The following MYO5C variants were observed in gnomAD, a reference collection of about 807,000 sequenced individuals.
The protein encoded by MYO5C is unconventional myosin-Vc.
In MYO5C, 194 loss-of-function variants were observed where a neutral mutation model predicts 235.7. The ratio of observed to expected loss-of-function variants is 0.82; its 90% CI spans 0.73 to 0.93. MYO5C has a LOEUF of 0.93. MYO5C is among the 40% of genes least tolerant of loss of function. The probability of loss-of-function intolerance (pLI) is 0.00; values close to 1 mark genes in which losing one functional copy is unlikely to be tolerated. For synonymous variants in MYO5C, 707 were observed against 754.8 expected, an observed-to-expected ratio of 0.94 and a Z score of 1.04; for missense variants, 2,038 against 2,127.2, an observed-to-expected ratio of 0.96 and a Z score of 0.82.
At chr15:52,221,816 A>G (rs777586124) in intron 29 of MYO5C, among the ~76,000 whole-genome samples, 1 of 152,208 alleles carries the variant, frequency 6.6e-6, no homozygotes, top group Non-Finnish European at 1.5e-5. Flanking sequence ...TGCTCATTTT[A>G]AAACTGAGTG....
rs544789862 is a variant in MYO5C at position 52,285,951 on chromosome 15, C to G, written c.28-3059G>C. Among the ~76,000 whole-genome samples, 16 of 152,134 alleles carry G rather than the reference C, an allele frequency of 1.1e-4. No homozygotes were observed. In the East Asian group the frequency reaches 2.1e-3, roughly 20 times the overall value. On this transcript the variant is annotated intron_variant, in intron 1 of 40. Coordinates refer to ENST00000261839, the MANE Select transcript of MYO5C (RefSeq NM_018728.4). Reference sequence around the variant, plus strand: ...GCCATCCCATCTAGGAAGTGAGGAGCGCCTCTTCCCGGCCGCCATCCCATC... The same window carrying G: ...GCCATCCCATCTAGGAAGTGAGGAGGGCCTCTTCCCGGCCGCCATCCCATC...
At chr15:52,197,832 C>T (rs1418994682) in intron 38 of MYO5C, among the ~76,000 whole-genome samples, 1 of 151,816 alleles carries the variant, frequency 6.6e-6, no homozygotes, top group Non-Finnish European at 1.5e-5. Context: ...GACAGGGTTT[C>T]ACCATGTTGG....
rs1300608137 is a variant in MYO5C at position 52,223,142 on chromosome 15, T to G, written c.3627+402A>C. Among the ~76,000 whole-genome samples the G allele has an allele frequency of 2.7e-4, 19 of 69,744 alleles. 1 individual carries two copies. Among genetic ancestry groups the G allele is most frequent in the African/African-American group, 6.8e-4 (18 of 26,414 alleles). The allele number at this position is 69,744 out of a possible 152,430, so 45.8% of individuals were successfully genotyped here. Reference sequence around the variant, plus strand: ...CCAGCCTGGGCAACAGAGTGAGACTTCATCTCAAAAAAAAAAAAAAAAAAG... The same window carrying G: ...CCAGCCTGGGCAACAGAGTGAGACTGCATCTCAAAAAAAAAAAAAAAAAAG... On this transcript the variant is annotated intron_variant, in intron 29 of 40. Transcript: ENST00000261839.
At chr15:52,272,384 T>C (rs2036942927) in intron 6 of MYO5C, among the ~76,000 whole-genome samples, 196 bp downstream of exon 6, 1 of 152,190 alleles carries the variant, frequency 6.6e-6, no homozygotes, top group Non-Finnish European at 1.5e-5. Flanking sequence ...CCTGCAGACA[T>C]ACAACTCACC....
chr15:52,283,938 G>GGC (rs1413890322), intron 1 of MYO5C, among the ~76,000 whole-genome samples: 1 of 151,984 alleles, frequency 6.6e-6, no homozygotes, highest in Non-Finnish European at 1.5e-5. Context: ...GCCTCCCAAA[G>GGC]TACTGGGATT....
At chr15:52,254,235 C>A (rs988701331) in intron 11 of MYO5C, among the ~76,000 whole-genome samples, 1 of 152,052 alleles carries the variant, frequency 6.6e-6, no homozygotes, top group African/African-American at 2.4e-5. Flanking sequence ...CGCTGGAGGG[C>A]GGAGGGGTTA....
At chr15:52,259,976 C>G (rs757736235) in intron 10 of MYO5C, among the ~76,000 whole-genome samples, 16 of 152,218 alleles carry the variant, frequency 1.1e-4, no homozygotes, top group Non-Finnish European at 1.9e-4. Context: ...GTGGAACACT[C>G]CAGGATGCCT....
intron 29 of MYO5C, 65 bp from the exon 30 acceptor site, chr15:52,221,320 G>A (rs7181661): frequency 8.6e-7 from 1 of 1,158,392 alleles, no homozygotes; most frequent in African/African-American, 1.6e-5. Flanking sequence ...TAAAATCTTA[G>A]AAGCAAACTG....
chr15:52,246,984 T>A lies in MYO5C; in HGVS notation c.1912A>T (p.Thr638Ser). 1 of 1,613,782 alleles carries A rather than the reference T, an allele frequency of 6.2e-7. No homozygotes were observed. The highest frequency in any genetic ancestry group is 8.5e-7 in the Non-Finnish European group (1 of 1,179,888). The change falls in exon 16 of 41, where the codon ACC becomes TCC. Residue 638 changes from threonine to serine, a missense_variant. By Grantham distance (58) the Thr-to-Ser change is moderately conservative. Transcript: ENST00000261839. ...FRSSLYLLME[T>S]LNATTPHYVR... The stretch of plus-strand genomic sequence containing the variant: ...TAGTGGGGCGTCGTCGCATTGAGGG[T>A]CTCCATGAGCAAGTACAGAGAGCTG...
chr15:52,250,758 T>C lies in MYO5C; in HGVS notation c.1662+632A>G, dbSNP rs534118112. On this transcript the variant is annotated intron_variant, in intron 13 of 40. Coordinates refer to ENST00000261839, the MANE Select transcript of MYO5C (RefSeq NM_018728.4). ...ACCAAGGCAACACCCAACCAGGACA[T>C]GGGAGGAGGTAGGAGCTCCCTTAAG... Among the ~76,000 whole-genome samples, 3 of 152,184 alleles carry C rather than the reference T, an allele frequency of 2.0e-5. No individual in the cohort carries two copies. The East Asian group carries it at 5.8e-4, about 29-fold the overall frequency.
Position 52,269,767 on chromosome 15 carries a change from G to T in MYO5C, c.926C>A (p.Thr309Asn), listed in dbSNP as rs772344519. Residue 309 changes from threonine to asparagine, a missense_variant, in exon 8 of 41, where the codon ACC (threonine) becomes AAC (asparagine). Thr to Asn is a moderately conservative substitution (Grantham distance 65). Coordinates refer to ENST00000261839, the MANE Select transcript of MYO5C (RefSeq NM_018728.4). Reference protein sequence around the residue: ...DRAEMVETQKTFTLLGFKEDF... With the variant: ...DRAEMVETQKNFTLLGFKEDF... ...TTTTCCCTTACCCAGAAGCGTGAAG[G>T]TCTTTTGAGTCTCTACCATTTCAGC... 1.9e-6 allele frequency: 3 copies of T among 1,608,932 alleles called. No homozygotes were observed. The highest frequency in any genetic ancestry group is 2.6e-6 in the Non-Finnish European group (3 of 1,175,724).
chr15:52,205,227 G>A, intron 37 of MYO5C, 80 bp from the exon 38 acceptor site: 1 of 1,474,156 alleles, frequency 6.8e-7, no homozygotes, highest in Non-Finnish European at 9.2e-7. Context: ...GTTTGTTTCA[G>A]GAGATGGGAC....
intron 11 of MYO5C, 66 bp from the exon 12 acceptor site, chr15:52,253,523 T>C: frequency 7.0e-7 from 1 of 1,419,482 alleles, no homozygotes; most frequent in South Asian, 1.2e-5. Context: ...AAGAGCAGGA[T>C]GTAAGCATTT....
chr15:52,244,038 C>T (rs1231082537), intron 19 of MYO5C, among the ~76,000 whole-genome samples: 3 of 152,154 alleles, frequency 2.0e-5, no homozygotes, highest in Non-Finnish European at 2.9e-5. Context: ...TTTTCAGTTC[C>T]CATAGGAAAG....
chr15:52,281,004 A>G (rs2037152282), intron 2 of MYO5C, among the ~76,000 whole-genome samples: 1 of 152,148 alleles, frequency 6.6e-6, no homozygotes, highest in Non-Finnish European at 1.5e-5. Flanking sequence ...TACCAATGCA[A>G]TTGTATTGTG....
In MYO5C at chr15:52,248,885, A is replaced by G. The variant is rs894061251; in HGVS notation, c.1663-102T>C. On this transcript the variant is annotated intron_variant, in intron 13 of 40. Coordinates refer to ENST00000261839, the MANE Select transcript of MYO5C (RefSeq NM_018728.4). ...TTAAGAAAGATTAATAAAAAAGGCTACAGAGGCAATCTTACAAAAAGACGT... is the reference window on the plus strand; with the variant it reads ...TTAAGAAAGATTAATAAAAAAGGCTGCAGAGGCAATCTTACAAAAAGACGT... The G allele has an allele frequency of 2.5e-5, 20 of 812,060 alleles. No individual in the cohort carries two copies. The Admixed American group carries it at 2.9e-4, about 12-fold the overall frequency. The allele number at this position is 812,060 out of a possible 1,614,324, so 50.3% of individuals were successfully genotyped here. A position where few individuals can be genotyped will look rare whatever the true frequency, so the allele number is the denominator to read the frequency against.
chr15:52,235,580 G>C, intron 23 of MYO5C, 90 bp downstream of exon 23: 1 of 969,300 alleles, frequency 1.0e-6, no homozygotes, highest in South Asian at 1.9e-5. Flanking sequence ...GTACACCAGA[G>C]ACCCCTGGTT....
At chr15:52,248,941 A>C (rs1171622375) in intron 13 of MYO5C, among the ~76,000 whole-genome samples, 158 bp from the exon 14 acceptor site, 1 of 152,208 alleles carries the variant, frequency 6.6e-6, no homozygotes, top group Admixed American at 6.5e-5. Context: ...CAGCAGCCCC[A>C]TTATGTATAA....
chr15:52,279,716 T>C (rs966866130), intron 2 of MYO5C, 42 bp from the exon 3 acceptor site: 8 of 1,572,300 alleles, frequency 5.1e-6, no homozygotes, highest in African/African-American at 1.4e-5. Flanking sequence ...AAATAAAAGA[T>C]TTTTGGTGTT....
Sources: gnomAD v4.1 joint callset for allele counts (sites outside exome capture counted in the v4.1 genomes callset) on GRCh38, gnomAD v4.1.1 for gene constraint, MANE v1.5 for transcripts, NCBI Gene and HGNC (gene_info 2026-07-23, HGNC 2026-07-21) for gene names.